Variants in GALNTL6 observed in about 807,000 individuals in gnomAD.
GALNTL6 encodes the protein polypeptide N-acetylgalactosaminyltransferase like 6, also known as polypeptide N-acetylgalactosaminyltransferase-like 6.
A neutral mutation model predicts 73.7 loss-of-function variants in GALNTL6; 46 were observed. The ratio of observed to expected loss-of-function variants is 0.62; its 90% CI spans 0.49 to 0.80. The LOEUF is 0.80. GALNTL6 is among the 30% of genes least tolerant of loss of function. The pLI is 0.00. For synonymous variants in GALNTL6, 259 were observed against 263.7 expected, an observed-to-expected ratio of 0.98 and a Z score of 0.17; for missense variants, 604 against 755.0, an observed-to-expected ratio of 0.80 and a Z score of 2.34.
At chr4:172,846,952 C>T (rs949505001) in intron 7 of GALNTL6, among the ~76,000 whole-genome samples, 1 of 152,108 alleles carries the variant, frequency 6.6e-6, no homozygotes, top group African/African-American at 2.4e-5. Context: ...CGTCCTCGCT[C>T]TCTTTCTCTC....
At chr4:172,779,569 G>A (rs1189951233) in intron 5 of GALNTL6, among the ~76,000 whole-genome samples, 1 of 152,156 alleles carries the variant, frequency 6.6e-6, no homozygotes, top group African/African-American at 2.4e-5. Flanking sequence ...TCTCATTAAT[G>A]TAAAGCTAAG....
intron 4 of GALNTL6, among the ~76,000 whole-genome samples, chr4:172,337,799 C>T (rs72702892): frequency 0.036 from 5,463 of 150,216 alleles, 131 homozygotes; most frequent in Non-Finnish European, 0.059. Flanking sequence ...TGGATTCTTG[C>T]ATCTGGATAC....
chr4:172,592,817 T>C (rs1737705286), intron 5 of GALNTL6, among the ~76,000 whole-genome samples: 1 of 152,124 alleles, frequency 6.6e-6, no homozygotes, highest in African/African-American at 2.4e-5. Flanking sequence ...GCTATTGAGT[T>C]TGACATTTTG....
At chr4:172,450,043 C>A (rs965613452) in intron 5 of GALNTL6, among the ~76,000 whole-genome samples, 1 of 151,912 alleles carries the variant, frequency 6.6e-6, no homozygotes, top group Non-Finnish European at 1.5e-5. Flanking sequence ...CATGGAGAAA[C>A]CCTGTCTCTA....
chr4:173,011,382 T>C (rs1055780887), intron 11 of GALNTL6, among the ~76,000 whole-genome samples: 1 of 152,248 alleles, frequency 6.6e-6, no homozygotes, highest in Non-Finnish European at 1.5e-5. Flanking sequence ...TTGTCTATTT[T>C]TGCTTTGGCT....
intron 2 of GALNTL6, among the ~76,000 whole-genome samples, chr4:171,939,653 T>C (rs973438943): frequency 2.0e-5 from 3 of 152,058 alleles, no homozygotes; most frequent in African/African-American, 7.2e-5. Flanking sequence ...AAATGGACTA[T>C]AGAACAATAC....
intron 2 of GALNTL6, among the ~76,000 whole-genome samples, chr4:172,122,218 C>A (rs1024917459): frequency 6.6e-6 from 1 of 151,632 alleles, no homozygotes; most frequent in East Asian, 1.9e-4. Context: ...TCTCATAGCT[C>A]AGGTTCAGTC....
intron 2 of GALNTL6, among the ~76,000 whole-genome samples, chr4:172,116,540 G>A (rs1230819640): frequency 6.6e-6 from 1 of 152,070 alleles, no homozygotes; most frequent in Non-Finnish European, 1.5e-5. Flanking sequence ...GAAGTGCTGG[G>A]ATTACAGGCA....
chr4:172,208,785 A>G, intron 2 of GALNTL6, among the ~76,000 whole-genome samples: 1 of 152,148 alleles, frequency 6.6e-6, no homozygotes, highest in East Asian at 1.9e-4. Flanking sequence ...ACAAGTGAGG[A>G]TGGTTGTTAA....
intron 5 of GALNTL6, among the ~76,000 whole-genome samples, chr4:172,592,713 T>TA (rs1737698230): frequency 6.6e-6 from 1 of 151,622 alleles, no homozygotes; most frequent in Non-Finnish European, 1.5e-5. Context: ...TCTATCTATC[T>TA]ATCGAGAGAG....
intron 5 of GALNTL6, among the ~76,000 whole-genome samples, chr4:172,523,951 G>T (rs1561121171): frequency 6.6e-6 from 1 of 152,098 alleles, no homozygotes; most frequent in Non-Finnish European, 1.5e-5. Flanking sequence ...GGATATTAGT[G>T]CTTCGAAGGC....
At chr4:172,287,453 CTGTTT>C (rs906851818) in intron 3 of GALNTL6, among the ~76,000 whole-genome samples, 2 of 152,184 alleles carry the variant, frequency 1.3e-5, no homozygotes, top group African/African-American at 4.8e-5. Context: ...AAAATAGACA[CTGTTT>C]TATTTATCAG....
chr4:172,534,259 C>T (rs1203501353), intron 5 of GALNTL6, among the ~76,000 whole-genome samples: 2 of 152,190 alleles, frequency 1.3e-5, no homozygotes, highest in Non-Finnish European at 2.9e-5. Context: ...TCAGGCCTCT[C>T]CTGCTTATAG....
intron 2 of GALNTL6, among the ~76,000 whole-genome samples, chr4:171,841,441 C>T (rs1735237144): frequency 6.6e-6 from 1 of 151,928 alleles, no homozygotes. Flanking sequence ...TTTACAAAAA[C>T]AAATATAGCT....
At chr4:172,187,306 A>G (rs1294551922) in intron 2 of GALNTL6, among the ~76,000 whole-genome samples, 3 of 152,122 alleles carry the variant, frequency 2.0e-5, no homozygotes, top group Non-Finnish European at 4.4e-5. Flanking sequence ...TTGGGAGTCT[A>G]TTTTTAAATG....
In GALNTL6 at chr4:172,178,495, T is replaced by C. The variant is rs76281192; in HGVS notation, c.139-51161T>C. ...GCATGTGTTCTCATTGTTCAACTCC[T>C]ACTTATGAGTAAGAATATGTAGTGT... On this transcript the variant is annotated intron_variant, in intron 2 of 12. Coordinates refer to ENST00000506823, the MANE Select transcript of GALNTL6 (RefSeq NM_001034845.3). 7.2e-5 allele frequency among the ~76,000 whole-genome samples: 11 copies of C among 151,878 alleles called. No homozygotes were observed. The East Asian group carries it at 1.6e-3, about 22-fold the overall frequency.
intron 5 of GALNTL6, among the ~76,000 whole-genome samples, chr4:172,371,114 G>A (rs545256006): frequency 5.3e-5 from 8 of 152,320 alleles, no homozygotes; most frequent in African/African-American, 9.6e-5. Flanking sequence ...CAGCTCACAC[G>A]TTTGAGCAGA....
intron 8 of GALNTL6, among the ~76,000 whole-genome samples, chr4:172,921,007 C>G (rs546302564): frequency 6.6e-6 from 1 of 152,200 alleles, no homozygotes; most frequent in South Asian, 2.1e-4. Context: ...GGATTTGGAG[C>G]TATGACTTGA....
At chr4:172,984,395 GA>G (rs1751204377) in intron 10 of GALNTL6, among the ~76,000 whole-genome samples, 1 of 152,150 alleles carries the variant, frequency 6.6e-6, no homozygotes, top group Non-Finnish European at 1.5e-5. Flanking sequence ...ACTATAACAA[GA>G]ACAGCCTGGG....
Sources: gnomAD v4.1 joint callset for allele counts (sites outside exome capture counted in the v4.1 genomes callset) on GRCh38, gnomAD v4.1.1 for gene constraint, MANE v1.5 for transcripts, NCBI Gene and HGNC (gene_info 2026-07-23, HGNC 2026-07-21) for gene names.